Variants in PCDH15 observed in about 807,000 individuals in gnomAD.
PCDH15 encodes the protein protocadherin related 15.
In PCDH15, 129 loss-of-function variants were observed where a neutral mutation model predicts 178.5. The observed-to-expected ratio is 0.72, with a 90% CI of 0.63 to 0.84. PCDH15 has a LOEUF of 0.84. Among genes scored for constraint, PCDH15 ranks in the 40% least tolerant of loss-of-function variants. The pLI is 0.00. For synonymous variants in PCDH15, 800 were observed against 732.0 expected, an observed-to-expected ratio of 1.09 and a Z score of -1.50; for missense variants, 2,230 against 2,099.9, an observed-to-expected ratio of 1.06 and a Z score of -1.21.
intron 2 of PCDH15, among the ~76,000 whole-genome samples, chr10:54,551,512 G>A (rs941178721): frequency 8.6e-5 from 13 of 151,868 alleles, no homozygotes; most frequent in African/African-American, 2.9e-4. Flanking sequence ...TAATTTTTGG[G>A]CAAAATATTA....
chr10:53,834,446 C>T (rs2077186630), intron 29 of PCDH15, among the ~76,000 whole-genome samples: 1 of 151,502 alleles, frequency 6.6e-6, no homozygotes, highest in African/African-American at 2.4e-5. Flanking sequence ...ATTGCTGATC[C>T]CGTTTTTCCA....
intron 2 of PCDH15, among the ~76,000 whole-genome samples, chr10:54,903,571 T>G (rs904225238): frequency 3.6e-5 from 4 of 110,768 alleles, no homozygotes; most frequent in Admixed American, 1.1e-4. Context: ...TTTTGCCATG[T>G]TTTTTTTTTG....
chr10:54,673,936 G>T (rs2094729664), intron 1 of PCDH15, among the ~76,000 whole-genome samples: 1 of 152,018 alleles, frequency 6.6e-6, no homozygotes, highest in African/African-American at 2.4e-5. Flanking sequence ...TACTTTGCCA[G>T]GTGACATGTT....
chr10:54,559,954 T>C (rs2087878610), intron 2 of PCDH15, among the ~76,000 whole-genome samples: 1 of 150,306 alleles, frequency 6.7e-6, no homozygotes, highest in Non-Finnish European at 1.5e-5. Flanking sequence ...TACACAATAA[T>C]ACAGTGTGTC....
rs577063642 is a variant in PCDH15 at position 54,770,224 on chromosome 10, T to G, written c.-29+30701A>C. Reference sequence around the variant, plus strand: ...ATCCCCTTTTAATGAGTTAACTGATTCTGTTAATGGTTTCAAATTATGACC... The same window carrying G: ...ATCCCCTTTTAATGAGTTAACTGATGCTGTTAATGGTTTCAAATTATGACC... On this transcript the variant is annotated intron_variant, in intron 1 of 37. Coordinates refer to ENST00000644397, the MANE Select transcript of PCDH15 (RefSeq NM_001384140.1). 1.1e-4 allele frequency among the ~76,000 whole-genome samples: 17 copies of G among 152,268 alleles called. No homozygotes were observed. In the East Asian group the frequency reaches 2.3e-3, roughly 21 times the overall value.
chr10:55,274,672 A>AC (rs1373413245), intron 1 of PCDH15, among the ~76,000 whole-genome samples: 1 of 152,006 alleles, frequency 6.6e-6, no homozygotes, highest in Non-Finnish European at 1.5e-5. Context: ...GTGGTCCCCA[A>AC]CCTTTTTGAC....
At chr10:54,602,042 G>C (rs2134095946) in intron 2 of PCDH15, among the ~76,000 whole-genome samples, 1 of 151,972 alleles carries the variant, frequency 6.6e-6, no homozygotes, top group East Asian at 1.9e-4. Flanking sequence ...ACTTTGCTTA[G>C]TACACAGGTG....
At chr10:55,145,684 T>TG (rs1206961486) in intron 2 of PCDH15, among the ~76,000 whole-genome samples, 2 of 152,134 alleles carry the variant, frequency 1.3e-5, no homozygotes, top group African/African-American at 4.8e-5. Flanking sequence ...TCTGCCTAAA[T>TG]GTAAATCATC....
At chr10:54,553,748 A>AT in intron 2 of PCDH15, among the ~76,000 whole-genome samples, 1 of 152,280 alleles carries the variant, frequency 6.6e-6, no homozygotes, top group South Asian at 2.1e-4. Context: ...CAGGTTCTGT[A>AT]TAAAATCTCC....
chr10:55,205,830 T>C (rs1218811894), intron 1 of PCDH15, among the ~76,000 whole-genome samples: 2 of 152,100 alleles, frequency 1.3e-5, no homozygotes, highest in East Asian at 3.9e-4. Context: ...AAGAGGTTTA[T>C]TGAACTTACG....
chr10:54,318,102 T>C (rs2061390531), intron 7 of PCDH15, among the ~76,000 whole-genome samples: 1 of 152,176 alleles, frequency 6.6e-6, no homozygotes, highest in Admixed American at 6.5e-5. Context: ...TATAAGCTGC[T>C]TGTCAGTTCT....
intron 2 of PCDH15, among the ~76,000 whole-genome samples, chr10:55,514,684 T>A (rs567127117): frequency 2.0e-5 from 3 of 152,170 alleles, no homozygotes; most frequent in East Asian, 1.9e-4. Context: ...CCTCTGGGTA[T>A]GGGACAGGAC....
chr10:54,986,954 A>G (rs1393023189), intron 2 of PCDH15, among the ~76,000 whole-genome samples: 1 of 152,052 alleles, frequency 6.6e-6, no homozygotes, highest in Non-Finnish European at 1.5e-5. Context: ...TACTACATAG[A>G]TATACGTGTG....
At chr10:55,612,732 GA>G (rs1177895821) in intron 2 of PCDH15, among the ~76,000 whole-genome samples, 1 of 152,074 alleles carries the variant, frequency 6.6e-6, no homozygotes, top group Non-Finnish European at 1.5e-5. Flanking sequence ...CAATGGCAAA[GA>G]AATTTTCAAA....
chr10:55,322,532 G>A (rs1843925902), upstream of PCDH15, among the ~76,000 whole-genome samples: 1 of 152,160 alleles, frequency 6.6e-6, no homozygotes, highest in Non-Finnish European at 1.5e-5. Context: ...TTGCTGAATG[G>A]CTTTGCCCAA....
At chr10:55,143,508 C>T (rs904258061) in intron 2 of PCDH15, among the ~76,000 whole-genome samples, 2 of 152,016 alleles carry the variant, frequency 1.3e-5, no homozygotes. Context: ...TTAACTTTAT[C>T]GTTTTCCTTT....
Position 53,806,813 on chromosome 10 carries a change from T to C in PCDH15, c.4989A>G (p.Lys1663=). The change falls in exon 38 of 38, where the codon AAA becomes AAG. Residue 1663 remains lysine, a synonymous_variant. Coordinates refer to ENST00000644397, the MANE Select transcript of PCDH15 (RefSeq NM_001384140.1). ...TAACCAGAGTTGGTCTTGCATTCATTTTTTCAGTAGAAAATGGCCCCTTTG... is the reference window on the plus strand; with the variant it reads ...TAACCAGAGTTGGTCTTGCATTCATCTTTTCAGTAGAAAATGGCCCCTTTG... ...TLSKGPFSTE[K]MNARPTLVTF... is the part of the protein sequence containing the mutation. The C allele has an allele frequency of 6.2e-7, 1 of 1,613,866 alleles. No homozygotes were observed. Among genetic ancestry groups the C allele is most frequent in the Non-Finnish European group, 8.5e-7 (1 of 1,179,814 alleles).
At chr10:54,535,979 C>T (rs1252417395) in intron 2 of PCDH15, among the ~76,000 whole-genome samples, 1 of 152,084 alleles carries the variant, frequency 6.6e-6, no homozygotes, top group African/African-American at 2.4e-5. Context: ...GGTTTTCCTT[C>T]CATTGTGGGT....
intron 1 of PCDH15, among the ~76,000 whole-genome samples, chr10:54,718,794 C>G (rs545398234): frequency 6.7e-6 from 1 of 148,312 alleles, no homozygotes; most frequent in Non-Finnish European, 1.5e-5. Flanking sequence ...TGGGTTCAAG[C>G]AATTCGATTC....
Sources: gnomAD v4.1 joint callset for allele counts (sites outside exome capture counted in the v4.1 genomes callset) on GRCh38, gnomAD v4.1.1 for gene constraint, MANE v1.5 for transcripts, NCBI Gene and HGNC (gene_info 2026-07-23, HGNC 2026-07-21) for gene names.